MYEF2: variants seen among roughly 807,000 people sequenced by gnomAD.
The protein encoded by MYEF2 is myelin gene expression factor 2.
A neutral mutation model predicts 75.2 loss-of-function variants in MYEF2; 37 were observed. The observed-to-expected ratio is 0.49, with a 90% CI of 0.38 to 0.65. The LOEUF (loss-of-function observed/expected upper bound fraction) is 0.65, where lower values mean the gene tolerates loss of function less well. Ranked by LOEUF, MYEF2 falls within the 30% of genes least tolerant of loss-of-function variation. MYEF2 has a pLI of 0.00. For missense variants in MYEF2, 634 were observed against 771.4 expected (o/e 0.82, Z 2.11); for synonymous variants, 195 against 241.6 (o/e 0.81, Z 1.79).
intron 11 of MYEF2, 135 bp downstream of exon 11, chr15:48,152,099 C>A (rs1288392244): frequency 1.7e-6 from 2 of 1,168,024 alleles, no homozygotes; most frequent in East Asian, 4.7e-5. Context: ...GTACCAGGCT[C>A]AATTTCTGCT....
chr15:48,166,132 T>C lies in MYEF2; in HGVS notation c.424-4A>G. ...AAAAAATTTCTTACCCACAACCCTA[T>C]ATCCAGGTAGATTTGTCAAAATATG... On this transcript the variant is annotated splice_region_variant and splice_polypyrimidine_tract_variant and intron_variant, in intron 3 of 16. Coordinates refer to ENST00000324324, the MANE Select transcript of MYEF2 (RefSeq NM_016132.5). 1 of 1,568,984 alleles carries C rather than the reference T, an allele frequency of 6.4e-7. No homozygotes were observed. Among genetic ancestry groups the C allele is most frequent in the Non-Finnish European group, 8.7e-7 (1 of 1,151,244 alleles).
chr15:48,148,637 C>G (rs1057497090), intron 16 of MYEF2, among the ~76,000 whole-genome samples: 3 of 151,804 alleles, frequency 2.0e-5, no homozygotes, highest in African/African-American at 7.3e-5. Context: ...GCTGATAATC[C>G]CCTGCACTAT....
intron 16 of MYEF2, among the ~76,000 whole-genome samples, chr15:48,147,423 T>C (rs2039328334): frequency 1.3e-5 from 2 of 151,980 alleles, no homozygotes; most frequent in African/African-American, 4.8e-5. Flanking sequence ...TAACATAATG[T>C]CATATCTCAT....
intron 9 of MYEF2, among the ~76,000 whole-genome samples, chr15:48,156,527 A>G (rs2039704436): frequency 6.6e-6 from 1 of 151,956 alleles, no homozygotes. Context: ...AAAGACAGAA[A>G]ATATAAACCA....
rs774718714 is a variant in MYEF2 at position 48,142,372 on chromosome 15, A to C, written c.*536T>G. ...GTTGATATTATTAATAGTGTTATGC[A>C]GAAAATATGAATGGCAGGGAGGGGC... On this transcript the variant is annotated 3_prime_UTR_variant, in exon 17 of 17. Coordinates refer to ENST00000324324, the MANE Select transcript of MYEF2 (RefSeq NM_016132.5). 1.4e-6 allele frequency: 2 copies of C among 1,453,816 alleles called. No homozygotes were observed. Among genetic ancestry groups the C allele is most frequent in the Admixed American group, 2.1e-5 (1 of 47,002 alleles). 90.1% of individuals were successfully genotyped at this position (1,453,816 alleles called of 1,614,324 possible). A position where few individuals can be genotyped will look rare whatever the true frequency, so the allele number is the denominator to read the frequency against.
chr15:48,141,067 T>C lies in MYEF2; in HGVS notation c.*1841A>G. The C allele has an allele frequency of 6.9e-7, 1 of 1,443,876 alleles. No individual in the cohort carries two copies. The highest frequency in any genetic ancestry group is 9.7e-7 in the Non-Finnish European group (1 of 1,031,602). The allele number at this position is 1,443,876 out of a possible 1,614,324, so 89.4% of individuals were successfully genotyped here. A position where few individuals can be genotyped will look rare whatever the true frequency, so the allele number is the denominator to read the frequency against. ...ATCCAAAATAACTGCAAAGGATGGTTAGTGAATCTTTAAGATTTGTAACTT... is the reference window on the plus strand; with the variant it reads ...ATCCAAAATAACTGCAAAGGATGGTCAGTGAATCTTTAAGATTTGTAACTT... On this transcript the variant is annotated 3_prime_UTR_variant, in exon 17 of 17. Transcript: ENST00000324324.
chr15:48,148,695 GA>G (rs968724233), intron 16 of MYEF2, among the ~76,000 whole-genome samples: 4 of 151,910 alleles, frequency 2.6e-5, no homozygotes, highest in African/African-American at 9.6e-5. Flanking sequence ...TTTCTCATGA[GA>G]AAAAAAGTTT....
chr15:48,144,744 A>G (rs926622648), intron 16 of MYEF2, among the ~76,000 whole-genome samples: 3 of 152,030 alleles, frequency 2.0e-5, no homozygotes, highest in Admixed American at 2.0e-4. Context: ...TGGTACCTGA[A>G]AAAAAGCAAG....
At chr15:48,155,995 C>A (rs1597318616) in intron 9 of MYEF2, among the ~76,000 whole-genome samples, 1 of 152,000 alleles carries the variant, frequency 6.6e-6, no homozygotes, top group Non-Finnish European at 1.5e-5. Context: ...CCAGGCTGAT[C>A]TCGAACTCCT....
At position 48,135,099 on chromosome 15, in the gene MYEF2, A is replaced by T. The variant is rs2038864205; in HGVS notation, c.*7809T>A. 1.4e-6 allele frequency: 1 copy of T among 710,216 alleles called. No homozygotes were observed. 44.0% of individuals were successfully genotyped at this position (710,216 alleles called of 1,614,324 possible). On this transcript the variant is annotated 3_prime_UTR_variant, in exon 17 of 17. Coordinates refer to ENST00000324324, the MANE Select transcript of MYEF2 (RefSeq NM_016132.5). ...TCACTTAATCTGCCACTTCTATACC[A>T]TATTCCAACAGGTCTGTGAGTTAAC... is the stretch of plus-strand genomic sequence containing the variant.
At chr15:48,145,976 C>T (rs1303969099) in intron 16 of MYEF2, among the ~76,000 whole-genome samples, 1 of 151,882 alleles carries the variant, frequency 6.6e-6, no homozygotes, top group East Asian at 1.9e-4. Context: ...CCTCCATTTT[C>T]CATGCAGTTG....
chr15:48,143,447 G>T (rs929858461), intron 16 of MYEF2, among the ~76,000 whole-genome samples: 1 of 151,998 alleles, frequency 6.6e-6, no homozygotes, highest in Admixed American at 6.6e-5. Context: ...AGAATAAACG[G>T]TTGCTTACTG....
chr15:48,168,460 T>C (rs2040209589), intron 2 of MYEF2, among the ~76,000 whole-genome samples, 171 bp downstream of exon 2: 1 of 152,010 alleles, frequency 6.6e-6, no homozygotes, highest in Admixed American at 6.5e-5. Context: ...CATACTACCT[T>C]GTAATGAAAT....
chr15:48,134,698 A>G lies in MYEF2; in HGVS notation c.*8210T>C. On this transcript the variant is annotated 3_prime_UTR_variant, in exon 17 of 17. Coordinates refer to ENST00000324324, the MANE Select transcript of MYEF2 (RefSeq NM_016132.5). ...TATTCAATTTAATGTTAATCCACAA[A>G]TAGCTCTTGGTCAGATTTATGAAAG... 1.4e-6 allele frequency: 1 copy of G among 720,220 alleles called. No homozygotes were observed. Among genetic ancestry groups the G allele is most frequent in the Non-Finnish European group, 2.3e-6 (1 of 440,898 alleles). 44.6% of individuals were successfully genotyped at this position (720,220 alleles called of 1,614,324 possible).
rs1442081537 is a variant in MYEF2 at position 48,140,987 on chromosome 15, C to A, written c.*1921G>T. 6 of 690,776 alleles carry A rather than the reference C, an allele frequency of 8.7e-6. No homozygotes were observed. The highest frequency in any genetic ancestry group is 1.5e-5 in the Non-Finnish European group (6 of 411,454). The allele number at this position is 690,776 out of a possible 1,614,324, so 42.8% of individuals were successfully genotyped here. On this transcript the variant is annotated 3_prime_UTR_variant, in exon 17 of 17. Coordinates refer to ENST00000324324, the MANE Select transcript of MYEF2 (RefSeq NM_016132.5). ...TAGCTAAAAAACTAATAAGCAAGCACATATTGGCTCTGAATTCTAAATGTG... is the reference window on the plus strand; with the variant it reads ...TAGCTAAAAAACTAATAAGCAAGCAAATATTGGCTCTGAATTCTAAATGTG...
rs1416718152 is a variant in MYEF2 at position 48,137,843 on chromosome 15, A to C, written c.*5065T>G. Reference sequence around the variant, plus strand: ...TACCATTGTTTAAAGCAATAGCAAAACTTTTAGGTAAATAGGTTCAGTAGG... The same window carrying C: ...TACCATTGTTTAAAGCAATAGCAAACCTTTTAGGTAAATAGGTTCAGTAGG... On this transcript the variant is annotated 3_prime_UTR_variant, in exon 17 of 17. Coordinates refer to ENST00000324324, the MANE Select transcript of MYEF2 (RefSeq NM_016132.5). 1 of 152,134 alleles carries C rather than the reference A, an allele frequency of 6.6e-6. No individual in the cohort carries two copies. The highest frequency in any genetic ancestry group is 2.4e-5 in the African/African-American group (1 of 41,440). The allele number at this position is 152,134 out of a possible 1,614,324, so 9.4% of individuals were successfully genotyped here.
intron 1 of MYEF2, among the ~76,000 whole-genome samples, chr15:48,174,713 G>A (rs1449532494): frequency 6.6e-6 from 1 of 152,066 alleles, no homozygotes; most frequent in African/African-American, 2.4e-5. Context: ...CTGTTCATCA[G>A]GGAAATACAA....
Position 48,158,158 on chromosome 15 carries a change from G to A in MYEF2, c.921+17C>T. On this transcript the variant is annotated intron_variant, in intron 8 of 16. Transcript: ENST00000324324. ...ATCTGAAGAGGTTGGAGGTTGAAGT[G>A]ATATACAGGAACTCACCATTTTCAC... 6.2e-7 allele frequency: 1 copy of A among 1,612,714 alleles called. No individual in the cohort carries two copies. The highest frequency in any genetic ancestry group is 8.5e-7 in the Non-Finnish European group (1 of 1,179,108).
intron 1 of MYEF2, among the ~76,000 whole-genome samples, chr15:48,175,918 A>G (rs2040501446): frequency 6.6e-6 from 1 of 152,152 alleles, no homozygotes; most frequent in Admixed American, 6.5e-5. Context: ...TATGAGTTTC[A>G]TAAGCATGAA....
Sources: allele counts gnomAD v4.1 joint callset (sites outside exome capture counted in the v4.1 genomes callset), GRCh38; gene constraint gnomAD v4.1.1; transcripts MANE v1.5; gene names NCBI Gene and HGNC (gene_info 2026-07-23, HGNC 2026-07-21).